ZNF638: variants seen among roughly 807,000 people sequenced by gnomAD.
ZNF638 encodes CTCL tumor antigen se33-1.
Under a neutral mutation model 195.6 loss-of-function variants are expected in ZNF638, and 46 were observed. That is an observed-to-expected ratio of 0.24 (90% confidence interval 0.19 to 0.30). The LOEUF is 0.30. ZNF638 is among the 10% of genes least tolerant of loss of function. The pLI is 1.00. For synonymous variants in ZNF638, 845 were observed against 772.0 expected (o/e 1.09, Z -1.57); for missense variants, 2,440 against 2,325.3 (o/e 1.05, Z -1.01).
intron 10 of ZNF638, 22 bp downstream of exon 10, chr2:71,380,587 T>G (rs2079518688): frequency 6.3e-7 from 1 of 1,579,526 alleles, no homozygotes; most frequent in Non-Finnish European, 8.6e-7. Flanking sequence ...CTTTTAATAT[T>G]CTTTCAAATG....
intron 2 of ZNF638, among the ~76,000 whole-genome samples, chr2:71,355,434 C>G (rs2079008884): frequency 6.6e-6 from 1 of 151,882 alleles, no homozygotes; most frequent in Admixed American, 6.6e-5. Flanking sequence ...TTATTTTCTC[C>G]AAGTTTATAT....
chr2:71,394,473 A>G (rs185776308), intron 10 of ZNF638, among the ~76,000 whole-genome samples: 1 of 152,298 alleles, frequency 6.6e-6, no homozygotes, highest in Admixed American at 6.5e-5. Context: ...TATTTCCATT[A>G]CACCTCAAAA....
Position 71,431,397 on chromosome 2 carries a change from A to G in ZNF638, c.5721A>G (p.Ser1907=), listed in dbSNP as rs1264058460. Residue 1907 remains serine (S), a synonymous_variant, in exon 26 of 28, where the codon TCA becomes TCG. Coordinates refer to ENST00000264447, the MANE Select transcript of ZNF638 (RefSeq NM_014497.5). ...GCAAGAAGACTGAAGACTCTTCTTC[A>G]GGCAAATCAGTGGCGTCTGATGTCC... The part of the protein sequence containing the change: ...RKRKKTEDSS[S]GKSVASDVPE... 3.7e-6 allele frequency: 6 copies of G among 1,613,898 alleles called. No homozygotes were observed. Among genetic ancestry groups the G allele is most frequent in the Non-Finnish European group, 5.1e-6 (6 of 1,179,886 alleles).
chr2:71,370,115 C>CA (rs2079282242), intron 8 of ZNF638, 110 bp downstream of exon 8: 16 of 1,191,352 alleles, frequency 1.3e-5, no homozygotes, highest in Non-Finnish European at 1.9e-5. Flanking sequence ...AATGTTAGCT[C>CA]AACACATTAT....
chr2:71,425,721 G>C (rs1329806350), intron 23 of ZNF638, among the ~76,000 whole-genome samples: 3 of 152,090 alleles, frequency 2.0e-5, no homozygotes, highest in Non-Finnish European at 4.4e-5. Context: ...CCAGGCTGGA[G>C]TGCAATGGCG....
intron 10 of ZNF638, among the ~76,000 whole-genome samples, chr2:71,392,030 T>C (rs1456143388): frequency 1.3e-5 from 2 of 152,240 alleles, no homozygotes; most frequent in Non-Finnish European, 1.5e-5. Flanking sequence ...TTTGGCTATA[T>C]CCAGCTAGTT....
intron 21 of ZNF638, among the ~76,000 whole-genome samples, chr2:71,421,014 T>G (rs1423452237): frequency 6.6e-6 from 1 of 152,164 alleles, no homozygotes; most frequent in East Asian, 1.9e-4. Context: ...GAAAAACTTG[T>G]GAAGGGGAAA....
intron 2 of ZNF638, among the ~76,000 whole-genome samples, chr2:71,355,042 C>T (rs2079001804): frequency 6.6e-6 from 1 of 152,094 alleles, no homozygotes; most frequent in Non-Finnish European, 1.5e-5. Flanking sequence ...AATCTCGGCT[C>T]ACTGCAAGCT....
At chr2:71,421,014 T>C (rs1423452237) in intron 21 of ZNF638, among the ~76,000 whole-genome samples, 3 of 152,164 alleles carry the variant, frequency 2.0e-5, no homozygotes, top group Non-Finnish European at 2.9e-5. Context: ...GAAAAACTTG[T>C]GAAGGGGAAA....
At chr2:71,348,513 A>G in intron 1 of ZNF638, 1 of 1,137,922 alleles carries the variant, frequency 8.8e-7, no homozygotes, top group Non-Finnish European at 1.1e-6. Context: ...GACAGCACCC[A>G]GTGCAACACA....
intron 1 of ZNF638, among the ~76,000 whole-genome samples, chr2:71,342,717 A>C (rs2078783108): frequency 6.6e-6 from 1 of 152,038 alleles, no homozygotes; most frequent in Admixed American, 6.6e-5. Flanking sequence ...TTGGTAAGGG[A>C]ATTGGTGTAG....
At chr2:71,397,007 G>A (rs2079907051) in intron 11 of ZNF638, among the ~76,000 whole-genome samples, 1 of 152,094 alleles carries the variant, frequency 6.6e-6, no homozygotes, top group Admixed American at 6.6e-5. Flanking sequence ...AAACAGCCTG[G>A]AACTGGCAAA....
chr2:71,377,103 T>G (rs1032161308), intron 8 of ZNF638, among the ~76,000 whole-genome samples: 1 of 152,050 alleles, frequency 6.6e-6, no homozygotes, highest in African/African-American at 2.4e-5. Context: ...TGAGCTCTTA[T>G]CTCTTCAAAA....
At chr2:71,375,142 C>G (rs1216666201) in intron 8 of ZNF638, 2 of 151,970 alleles carry the variant, frequency 1.3e-5, no homozygotes, top group African/African-American at 4.8e-5. Flanking sequence ...TAGTTTATAC[C>G]TGCTACATGC....
chr2:71,395,330 C>T, intron 10 of ZNF638: 1 of 714,520 alleles, frequency 1.4e-6, no homozygotes, highest in Non-Finnish European at 2.6e-6. Context: ...ATCAACAAAA[C>T]CTGATGCAAA....
At chr2:71,357,872 T>C (rs1436381402) in intron 3 of ZNF638, among the ~76,000 whole-genome samples, 2 of 146,856 alleles carry the variant, frequency 1.4e-5, no homozygotes, top group East Asian at 4.0e-4. Flanking sequence ...TTGCCTTTTT[T>C]ACAAATTGAA....
intron 20 of ZNF638, 125 bp from the exon 21 acceptor site, chr2:71,418,477 C>G (rs1347450466): frequency 1.7e-6 from 1 of 599,696 alleles, no homozygotes; most frequent in Non-Finnish European, 2.7e-6. Context: ...TGAAAACTAG[C>G]TGCTTTGATA....
intron 6 of ZNF638, among the ~76,000 whole-genome samples, chr2:71,366,787 A>T (rs1321199133): frequency 6.6e-6 from 1 of 152,216 alleles, no homozygotes; most frequent in South Asian, 2.1e-4. Flanking sequence ...TGTAAAATTT[A>T]TACTTTGGTA....
chr2:71,359,208 CTG>C (rs1319937695), intron 3 of ZNF638, among the ~76,000 whole-genome samples: 9 of 152,128 alleles, frequency 5.9e-5, no homozygotes, highest in Non-Finnish European at 1.3e-4. Flanking sequence ...AATATGCTGT[CTG>C]TGTGTTGAAG....
Sources: gnomAD v4.1 joint callset for allele counts (sites outside exome capture counted in the v4.1 genomes callset) on GRCh38, gnomAD v4.1.1 for gene constraint, MANE v1.5 for transcripts, NCBI Gene and HGNC (gene_info 2026-07-23, HGNC 2026-07-21) for gene names.